Variants in RPRD2 observed in about 807,000 individuals in gnomAD.
RPRD2 encodes the protein regulation of nuclear pre-mRNA domain-containing protein 2.
RPRD2 carries 12 observed loss-of-function variants against 104.4 expected under a neutral mutation model. The ratio of observed to expected loss-of-function variants is 0.11; its 90% CI spans 0.07 to 0.19. RPRD2 has a LOEUF of 0.19. RPRD2 is among the 10% of genes least tolerant of loss of function. The pLI is 1.00. For missense variants in RPRD2, 1,543 were observed against 1,790.1 expected (o/e 0.86, Z 2.49); for synonymous variants, 714 against 684.9 (o/e 1.04, Z -0.66).
chr1:150,373,432 G>T lies in RPRD2; in HGVS notation c.205+8513G>T, dbSNP rs114675797. On this transcript the variant is annotated intron_variant, in intron 1 of 10. Coordinates refer to ENST00000369068, the MANE Select transcript of RPRD2 (RefSeq NM_015203.5). ...GGACCAGGTTATGGCCAGCGGAAGT[G>T]ATAAGTAATTTAATTCTAGATCTAT... Among the ~76,000 whole-genome samples, 161 of 151,264 alleles carry T rather than the reference G, an allele frequency of 1.1e-3. 2 individuals are homozygous for T. The highest frequency in any genetic ancestry group is 3.8e-3 in the African/African-American group (155 of 41,290).
rs190707603 is a variant in RPRD2, at chr1:150,438,565, G to A, written c.336-2358G>A. Among the ~76,000 whole-genome samples the A allele has an allele frequency of 2.0e-3, 306 of 152,026 alleles. 1 individual carries two copies. Among genetic ancestry groups the A allele is most frequent in the African/African-American group, 7.0e-3 (291 of 41,480 alleles). The stretch of plus-strand genomic sequence containing the variant: ...AATCGTTTGAACCCAGGAGGCGGAA[G>A]TTGCAGTGAGCCGAGATCGCACCAT... On this transcript the variant is annotated intron_variant, in intron 2 of 10. Transcript: ENST00000369068.
At chr1:150,369,441 ATTTTTTTTTTTT>A (rs58054758) in intron 1 of RPRD2, among the ~76,000 whole-genome samples, 20 of 57,530 alleles carry the variant, frequency 3.5e-4, no homozygotes, top group African/African-American at 6.7e-4. Flanking sequence ...CACCTGGCTA[ATTTTTTTTTTTT>A]TTTTTTTTTT....
At chr1:150,437,278 AC>A (rs1244211314) in intron 2 of RPRD2, among the ~76,000 whole-genome samples, 2 of 152,074 alleles carry the variant, frequency 1.3e-5, no homozygotes, top group Non-Finnish European at 2.9e-5. Context: ...CAGGCAGATC[AC>A]GAGGTCAAGA....
In RPRD2 at chr1:150,384,447, C is replaced by CATT. The variant is rs1285755889; in HGVS notation, c.205+19530_205+19531insTAT. Among the ~76,000 whole-genome samples, 30 of 97,832 alleles carry CATT rather than the reference C, an allele frequency of 3.1e-4. 2 individuals are homozygous for CATT. The East Asian group carries it at 4.6e-3, about 15-fold the overall frequency. The allele number at this position is 97,832 out of a possible 152,430, so 64.2% of individuals were successfully genotyped here. On this transcript the variant is annotated intron_variant, in intron 1 of 10. Coordinates refer to ENST00000369068, the MANE Select transcript of RPRD2 (RefSeq NM_015203.5). ...AGACAGAAGGAATAAAAGGCATCAT[C>CATT]ATCATTATTATTATTATTATTATTA...
At chr1:150,404,077 T>C (rs1663277682) in intron 1 of RPRD2, among the ~76,000 whole-genome samples, 1 of 152,168 alleles carries the variant, frequency 6.6e-6, no homozygotes, top group African/African-American at 2.4e-5. Flanking sequence ...ATTAACCCTA[T>C]TGACTCCAGG....
At position 150,472,394 on chromosome 1, in the gene RPRD2, C is replaced by T. The variant is rs941565195; in HGVS notation, c.3446C>T (p.Ala1149Val). Residue 1149 changes from alanine (A) to valine (V), a missense_variant, in exon 11 of 11, where the codon GCA (alanine) becomes GTA (valine). Transcript: ENST00000369068. ...GGCCCTTCAAGTGCCTCTGAGTTGG[C>T]ATCCCTTGGGGGTGGGGGCAGCGGA... ...DNGPSSASEL[A>V]SLGGGGSGGL... is the part of the protein sequence containing the mutation. The T allele has an allele frequency of 3.1e-6, 5 of 1,613,898 alleles. No homozygotes were observed. The highest frequency in any genetic ancestry group is 1.7e-5 in the Admixed American group (1 of 60,004).
intron 4 of RPRD2, 55 bp from the exon 5 acceptor site, chr1:150,443,168 TTTTTCCTG>T: frequency 8.1e-7 from 1 of 1,241,940 alleles, no homozygotes; most frequent in Non-Finnish European, 1.1e-6. Flanking sequence ...AGAGCTAAAA[TTTTTCCTG>T]TTAGTCAACT....
chr1:150,423,792 ATTTTT>A (rs151188685), intron 2 of RPRD2, among the ~76,000 whole-genome samples: 1 of 145,520 alleles, frequency 6.9e-6, no homozygotes, highest in African/African-American at 2.5e-5. Flanking sequence ...CTGAAAACAA[ATTTTT>A]TTTTTTTTTT....
At chr1:150,455,375 G>A (rs1227691757) in intron 7 of RPRD2, among the ~76,000 whole-genome samples, 11 of 151,992 alleles carry the variant, frequency 7.2e-5, no homozygotes, top group Non-Finnish European at 1.3e-4. Context: ...GGGGGCGCAC[G>A]CCTGTAATCC....
At position 150,369,623 on chromosome 1, in the gene RPRD2, A is replaced by ATTT. The variant is rs61016870; in HGVS notation, c.205+4721_205+4723dup. Among the ~76,000 whole-genome samples the ATTT allele has an allele frequency of 5.8e-4, 40 of 68,866 alleles. 1 individual carries two copies. The highest frequency in any genetic ancestry group is 1.3e-3 in the African/African-American group (24 of 17,806). The allele number at this position is 68,866 out of a possible 152,430, so 45.2% of individuals were successfully genotyped here. On this transcript the variant is annotated intron_variant, in intron 1 of 10. Transcript: ENST00000369068. ...AGGCGCCCGTCACCGCGCCCAGCTA[A>ATTT]TTTTTTTTTTTTTTTTTTTGTATTT...
At chr1:150,408,561 A>G (rs1663668667) in intron 1 of RPRD2, among the ~76,000 whole-genome samples, 1 of 152,162 alleles carries the variant, frequency 6.6e-6, no homozygotes. Flanking sequence ...CATGTTATTT[A>G]CAGACATGTA....
At chr1:150,461,263 T>C (rs1453608977) in intron 9 of RPRD2, among the ~76,000 whole-genome samples, 1 of 151,748 alleles carries the variant, frequency 6.6e-6, no homozygotes, top group Admixed American at 6.6e-5. Context: ...AATTTTTTAA[T>C]AAATATCTAT....
rs1433589645 is a variant in RPRD2 at position 150,472,693 on chromosome 1, G to A, written c.3745G>A (p.Ala1249Thr). ...DLSNPFTKEA[A>T]LAHAAPPPPP... ...TTCGAACCCCTTCACAAAGGAGGCAGCCCTGGCCCATGCTGCCCCACCCCC... is the reference window on the plus strand; with the variant it reads ...TTCGAACCCCTTCACAAAGGAGGCAACCCTGGCCCATGCTGCCCCACCCCC... Residue 1249 changes from alanine (A) to threonine (T), a missense_variant, in exon 11 of 11, where the codon GCC (alanine) becomes ACC (threonine). Coordinates refer to ENST00000369068, the MANE Select transcript of RPRD2 (RefSeq NM_015203.5). 1.2e-6 allele frequency: 2 copies of A among 1,613,838 alleles called. No homozygotes were observed. Among genetic ancestry groups the A allele is most frequent in the East Asian group, 4.5e-5 (2 of 44,876 alleles).
intron 2 of RPRD2, among the ~76,000 whole-genome samples, chr1:150,432,159 A>T (rs782791055): frequency 7.4e-5 from 11 of 148,938 alleles, no homozygotes; most frequent in Non-Finnish European, 1.5e-4. Flanking sequence ...GGGTGATGGA[A>T]CAAGACCCTA....
Position 150,473,490 on chromosome 1 carries a change from C to T in RPRD2, c.*156C>T, listed in dbSNP as rs187900262. 1.9e-4 allele frequency: 103 copies of T among 529,022 alleles called. No individual in the cohort carries two copies. The highest frequency in any genetic ancestry group is 2.5e-4 in the Non-Finnish European group (83 of 326,670). 32.8% of individuals were successfully genotyped at this position (529,022 alleles called of 1,614,324 possible). On this transcript the variant is annotated 3_prime_UTR_variant, in exon 11 of 11. Coordinates refer to ENST00000369068, the MANE Select transcript of RPRD2 (RefSeq NM_015203.5). ...CAAAGTAAGAAATCACATACGCTTA[C>T]GTTTTACTATTCAATTCAATCCTCC...
At position 150,460,156 on chromosome 1, in the gene RPRD2, C is replaced by T. The variant is rs1323899717; in HGVS notation, c.1250C>T (p.Thr417Ile). Reference protein sequence around the residue: ...TENISKASSCTPVPVTMTATP... With the variant: ...TENISKASSCIPVPVTMTATP... ...AATATCTCAAAGGCCTCTTCATGTA[C>T]CCCAGTGCCTGTGACCATGACAGCA... Residue 417 changes from threonine to isoleucine, a missense_variant, in exon 9 of 11, where the codon ACC becomes ATC. Physicochemically the swap from Thr to Ile is moderately conservative, Grantham distance 89. Coordinates refer to ENST00000369068, the MANE Select transcript of RPRD2 (RefSeq NM_015203.5). The T allele has an allele frequency of 6.2e-7, 1 of 1,613,830 alleles. No homozygotes were observed. Among genetic ancestry groups the T allele is most frequent in the Non-Finnish European group, 8.5e-7 (1 of 1,179,870 alleles).
At chr1:150,431,472 G>GTTTTTTTTTTTTTTTTT (rs1553891696) in intron 2 of RPRD2, among the ~76,000 whole-genome samples, 1 of 65,760 alleles carries the variant, frequency 1.5e-5, no homozygotes, top group Admixed American at 2.6e-4. Flanking sequence ...AAAAAGGAAG[G>GTTTTTTTTTTTTTTTTT]ATTTTTTTTT....
intron 1 of RPRD2, among the ~76,000 whole-genome samples, chr1:150,368,551 C>T (rs1303889942): frequency 7.3e-5 from 11 of 151,688 alleles, no homozygotes; most frequent in Admixed American, 7.2e-4. Flanking sequence ...GCAACCTCCG[C>T]CTCCCAGGTT....
intron 1 of RPRD2, among the ~76,000 whole-genome samples, chr1:150,385,596 T>C (rs1661504216): frequency 6.6e-6 from 1 of 152,262 alleles, no homozygotes; most frequent in African/African-American, 2.4e-5. Flanking sequence ...GTTATCATAA[T>C]ACAAATCATT....
Sources: gnomAD v4.1 joint callset for allele counts (sites outside exome capture counted in the v4.1 genomes callset) on GRCh38, gnomAD v4.1.1 for gene constraint, MANE v1.5 for transcripts, NCBI Gene and HGNC (gene_info 2026-07-23, HGNC 2026-07-21) for gene names.